Variants in SHQ1 observed in about 807,000 individuals in gnomAD.
SHQ1 encodes the protein protein SHQ1 homolog.
SHQ1 carries 49 observed loss-of-function variants against 53.8 expected under a neutral mutation model. The observed-to-expected ratio is 0.91, with a 90% CI of 0.72 to 1.16. The LOEUF is 1.16. Among genes scored for constraint, SHQ1 ranks in the 50% most tolerant of loss-of-function variants. The pLI is 0.00. For missense variants in SHQ1, 738 were observed against 683.1 expected (o/e 1.08, Z -0.90); for synonymous variants, 243 against 251.0 (o/e 0.97, Z 0.30).
At chr3:72,741,348 G>A in the SHQ1 span, among the ~76,000 whole-genome samples, 3 of 152,044 alleles carry the variant, frequency 2.0e-5, no homozygotes, top group African/African-American at 7.2e-5. Flanking sequence ...CATCTTGGGA[G>A]GCCAAGGCAG....
the SHQ1 span, among the ~76,000 whole-genome samples, chr3:72,741,578 C>G: frequency 6.6e-6 from 1 of 150,530 alleles, no homozygotes; most frequent in Admixed American, 6.6e-5. Flanking sequence ...GAGTGAGACT[C>G]TGTCTCAAAT....
chr3:72,788,151 AG>A (rs1349941955), intron 10 of SHQ1, among the ~76,000 whole-genome samples: 1 of 151,972 alleles, frequency 6.6e-6, no homozygotes, highest in African/African-American at 2.4e-5. Context: ...CTAGTAAGTG[AG>A]GAGCGTCTCT....
intron 10 of SHQ1, among the ~76,000 whole-genome samples, chr3:72,783,996 A>G (rs1298907105): frequency 6.6e-6 from 1 of 152,204 alleles, no homozygotes; most frequent in Non-Finnish European, 1.5e-5. Flanking sequence ...TAACATCAAT[A>G]TTCGTTCATT....
chr3:72,800,776 T>A (rs1441298866), intron 9 of SHQ1, among the ~76,000 whole-genome samples: 4 of 152,248 alleles, frequency 2.6e-5, no homozygotes, highest in Non-Finnish European at 5.9e-5. Context: ...GTTATTTGCA[T>A]CATGACAAAT....
intron 10 of SHQ1, among the ~76,000 whole-genome samples, chr3:72,788,923 C>G (rs960804058): frequency 5.3e-5 from 8 of 151,816 alleles, no homozygotes; most frequent in Non-Finnish European, 1.0e-4. Context: ...CTCAAGTACC[C>G]AGGGACACAA....
chr3:72,758,567 CTTTT>C (rs869225766), intron 10 of SHQ1, among the ~76,000 whole-genome samples: 3 of 126,108 alleles, frequency 2.4e-5, no homozygotes, highest in Admixed American at 1.6e-4. Context: ...ACTATTTTTT[CTTTT>C]TTTTTTTTTT....
At chr3:72,727,434 C>T in the SHQ1 span, among the ~76,000 whole-genome samples, 2 of 152,044 alleles carry the variant, frequency 1.3e-5, no homozygotes, top group African/African-American at 4.8e-5. Context: ...AGCCAGGACA[C>T]GTGGATTTCC....
chr3:72,830,711 T>A (rs1265613415), intron 5 of SHQ1, among the ~76,000 whole-genome samples: 1 of 152,160 alleles, frequency 6.6e-6, no homozygotes, highest in African/African-American at 2.4e-5. Flanking sequence ...CTCTCCTCAC[T>A]TAGCCCATAA....
chr3:72,829,066 G>A (rs1338745000), intron 5 of SHQ1, among the ~76,000 whole-genome samples: 3 of 151,778 alleles, frequency 2.0e-5, no homozygotes, highest in Non-Finnish European at 2.9e-5. Context: ...AAATACTACA[G>A]AGAAAAATGG....
intron 10 of SHQ1, chr3:72,772,938 A>C: frequency 1.1e-6 from 1 of 879,302 alleles, no homozygotes; most frequent in Non-Finnish European, 1.9e-6. Flanking sequence ...ACCAGCATGA[A>C]GAATCGGAAG....
chr3:72,751,473 C>CAT (rs199941644), intron 10 of SHQ1, among the ~76,000 whole-genome samples: 2 of 114,046 alleles, frequency 1.8e-5, no homozygotes, highest in African/African-American at 7.7e-5. Flanking sequence ...ATAATAAGCA[C>CAT]ATATGTGTGT....
At chr3:72,751,500 G>GTATATATATA (rs1411876975) in intron 10 of SHQ1, among the ~76,000 whole-genome samples, 7 of 119,616 alleles carry the variant, frequency 5.9e-5, no homozygotes, top group African/African-American at 2.1e-4. Flanking sequence ...GTGTGTGTGT[G>GTATATATATA]TGTGTGTGTA....
intron 4 of SHQ1, 119 bp from the exon 5 acceptor site, chr3:72,832,600 G>T: frequency 1.6e-6 from 1 of 642,816 alleles, no homozygotes; most frequent in Non-Finnish European, 2.7e-6. Flanking sequence ...AAACCATGAT[G>T]CCACCTGTGA....
chr3:72,743,979 G>T, the SHQ1 span, among the ~76,000 whole-genome samples: 1 of 152,180 alleles, frequency 6.6e-6, no homozygotes, highest in African/African-American at 2.4e-5. Context: ...CAAACTATCA[G>T]CAAGGGAAAC....
At position 72,751,539 on chromosome 3, in the gene SHQ1, T is replaced by TATATATATATATATAC. The variant is rs1456991894; in HGVS notation, c.1182-704_1182-703insGTATATATATATATAT. Among the ~76,000 whole-genome samples the TATATATATATATATAC allele has an allele frequency of 3.7e-4, 45 of 120,164 alleles. 1 individual carries two copies. The highest frequency in any genetic ancestry group is 1.6e-3 in the African/African-American group (43 of 27,264). The allele number at this position is 120,164 out of a possible 152,430, so 78.8% of individuals were successfully genotyped here. On this transcript the variant is annotated intron_variant, in intron 10 of 10. Coordinates refer to ENST00000325599, the MANE Select transcript of SHQ1 (RefSeq NM_018130.3). ...ATATATATATATATATACATATACATACACTAATAAAGCCTAACTCTCCTA... is the reference window on the plus strand; with the variant it reads ...ATATATATATATATATACATATACATATATATATATATATACACACTAATAAAGCCTAACTCTCCTA...
At chr3:72,763,062 C>G (rs10603499) in intron 10 of SHQ1, among the ~76,000 whole-genome samples, 6,066 of 75,682 alleles carry the variant, frequency 0.08, 219 homozygotes, top group African/African-American at 0.14. Context: ...CACACACACA[C>G]AGAGAGAGAG....
chr3:72,792,784 CAAAAAAAAAAAAAA>C, intron 10 of SHQ1, 118 bp downstream of exon 10: 7 of 258,102 alleles, frequency 2.7e-5, no homozygotes, highest in Admixed American at 1.3e-4. Flanking sequence ...ACCTCCATCT[CAAAAAAAAAAAAAA>C]AAAAAAAAAA....
intron 5 of SHQ1, among the ~76,000 whole-genome samples, chr3:72,826,669 G>C (rs763622565): frequency 2.6e-5 from 4 of 152,174 alleles, no homozygotes; most frequent in Non-Finnish European, 5.9e-5. Context: ...AAGGACCCTG[G>C]AGGATATAAT....
At chr3:72,833,803 T>C (rs1385416935) in intron 4 of SHQ1, among the ~76,000 whole-genome samples, 6 of 152,242 alleles carry the variant, frequency 3.9e-5, no homozygotes, top group Non-Finnish European at 5.9e-5. Context: ...AAAGAAACCT[T>C]ATACAATGTG....
Sources: allele counts gnomAD v4.1 joint callset (sites outside exome capture counted in the v4.1 genomes callset), GRCh38; gene constraint gnomAD v4.1.1; transcripts MANE v1.5; gene names NCBI Gene and HGNC (gene_info 2026-07-23, HGNC 2026-07-21).